ADAMTS2: variants seen among roughly 807,000 people sequenced by gnomAD.
ADAMTS2 encodes A disintegrin and metalloproteinase with thrombospondin motifs 2.
Under a neutral mutation model 123.0 loss-of-function variants are expected in ADAMTS2, and 50 were observed. That is an observed-to-expected ratio of 0.41 (90% confidence interval 0.32 to 0.51). The LOEUF (loss-of-function observed/expected upper bound fraction) is 0.51. ADAMTS2 is among the 20% of genes least tolerant of loss of function. The probability of loss-of-function intolerance (pLI) is 0.35; values close to 1 mark genes in which losing one functional copy is unlikely to be tolerated. For missense variants in ADAMTS2, 1,494 were observed against 1,705.2 expected (o/e 0.88, Z 2.18); for synonymous variants, 678 against 695.4 (o/e 0.98, Z 0.39).
intron 15 of ADAMTS2, among the ~76,000 whole-genome samples, chr5:179,131,421 G>T (rs148177084): frequency 6.6e-6 from 1 of 151,996 alleles, no homozygotes; most frequent in East Asian, 1.9e-4. Flanking sequence ...TAAAATAAAA[G>T]GGCATGGTAT....
rs1762638961 is a variant in ADAMTS2 at position 179,115,236 on chromosome 5, C to T, written c.3179-912G>A. ...CTCCCTGGCCCATCTCGACCTCTGT[C>T]TGCGGCTATGTTCATTCAACCCATC... is the stretch of plus-strand genomic sequence containing the variant. On this transcript the variant is annotated intron_variant, in intron 21 of 21. Coordinates refer to ENST00000251582, the MANE Select transcript of ADAMTS2 (RefSeq NM_014244.5). The surrounding 1 kb of genome is among the most constrained non-coding windows in gnomAD (Gnocchi z 4.4). 6.6e-6 allele frequency among the ~76,000 whole-genome samples: 1 copy of T among 152,174 alleles called. No homozygotes were observed. The highest frequency in any genetic ancestry group is 1.5e-5 in the Non-Finnish European group (1 of 68,036).
At chr5:179,177,490 T>C (rs1403428682) in intron 5 of ADAMTS2, among the ~76,000 whole-genome samples, 1 of 152,198 alleles carries the variant, frequency 6.6e-6, no homozygotes. Flanking sequence ...GCCTGATAAA[T>C]GCTTGCAAAT....
intron 2 of ADAMTS2, among the ~76,000 whole-genome samples, chr5:179,336,679 C>T (rs993650053): frequency 7.9e-5 from 12 of 152,194 alleles, no homozygotes; most frequent in African/African-American, 2.9e-4. Flanking sequence ...CTGGGGTAGG[C>T]GCTTGCTGCA....
rs763744293 is a variant in ADAMTS2 at position 179,132,929 on chromosome 5, G to A, written c.2086-29C>T. The A allele has an allele frequency of 3.1e-6, 5 of 1,610,668 alleles. No individual in the cohort carries two copies. Among genetic ancestry groups the A allele is most frequent in the Non-Finnish European group, 4.2e-6 (5 of 1,178,712 alleles). The stretch of plus-strand genomic sequence containing the variant: ...TTGGGGGAGGAGGCAGTGAGCACTT[G>A]AGACGTCCTGCTAGTAGAGTCAGGG... On this transcript the variant is annotated intron_variant, in intron 13 of 21. Transcript: ENST00000251582. The surrounding 1 kb of genome is among the most constrained non-coding windows in gnomAD (Gnocchi z 6.1).
intron 2 of ADAMTS2, among the ~76,000 whole-genome samples, chr5:179,286,216 C>CAAAA (rs33951526): frequency 4.5e-5 from 3 of 66,044 alleles, no homozygotes; most frequent in Non-Finnish European, 8.5e-5. Flanking sequence ...ACTCTTGTCT[C>CAAAA]AAAAAAAAAA....
chr5:179,157,975 T>A (rs894009984), intron 6 of ADAMTS2, among the ~76,000 whole-genome samples: 5 of 152,064 alleles, frequency 3.3e-5, no homozygotes, highest in Non-Finnish European at 5.9e-5. Flanking sequence ...TTTGTCTCTT[T>A]TTTTTTTGAG....
chr5:179,156,859 T>C (rs1276356065), intron 6 of ADAMTS2, among the ~76,000 whole-genome samples: 1 of 152,208 alleles, frequency 6.6e-6, no homozygotes, highest in Non-Finnish European at 1.5e-5. Flanking sequence ...AAACTTTTTG[T>C]TTTGTTTTAC....
intron 17 of ADAMTS2, 110 bp downstream of exon 17, chr5:179,127,849 T>A: frequency 7.9e-6 from 11 of 1,386,044 alleles, no homozygotes; most frequent in East Asian, 2.6e-5. Flanking sequence ...CAAAGGTCCC[T>A]GCTGTGGCTC....
At chr5:179,261,872 C>T (rs889851781) in intron 3 of ADAMTS2, among the ~76,000 whole-genome samples, 15 of 152,284 alleles carry the variant, frequency 9.9e-5, no homozygotes, top group African/African-American at 2.9e-4. Context: ...CAAGGATGCA[C>T]ACACGTCCAT....
At chr5:179,315,583 C>A (rs944917949) in intron 2 of ADAMTS2, among the ~76,000 whole-genome samples, 1 of 152,242 alleles carries the variant, frequency 6.6e-6, no homozygotes, top group South Asian at 2.1e-4. Flanking sequence ...TCCGGGGACA[C>A]GAGCTGGGAT....
intron 3 of ADAMTS2, among the ~76,000 whole-genome samples, chr5:179,271,687 A>G (rs1389677867): frequency 1.4e-4 from 21 of 152,230 alleles, no homozygotes; most frequent in Non-Finnish European, 1.5e-5. Context: ...GTCACCAAGG[A>G]ACAAGGGGCC....
chr5:179,221,710 C>G (rs1765130757), intron 3 of ADAMTS2, among the ~76,000 whole-genome samples: 1 of 152,150 alleles, frequency 6.6e-6, no homozygotes, highest in African/African-American at 2.4e-5. Flanking sequence ...TGGATCTGCC[C>G]AGAGAAGAGC....
intron 3 of ADAMTS2, among the ~76,000 whole-genome samples, chr5:179,239,024 G>A (rs1325972339): frequency 6.6e-6 from 1 of 152,134 alleles, no homozygotes; most frequent in Non-Finnish European, 1.5e-5. Context: ...CTTTGGGGAG[G>A]GAGAAGATGT....
At chr5:179,292,708 C>A (rs1433699037) in intron 2 of ADAMTS2, among the ~76,000 whole-genome samples, 1 of 152,090 alleles carries the variant, frequency 6.6e-6, no homozygotes, top group South Asian at 2.1e-4. Flanking sequence ...TCAGCTTGCC[C>A]AAGGTGACTC....
intron 2 of ADAMTS2, among the ~76,000 whole-genome samples, chr5:179,315,457 G>T (rs1756966037): frequency 6.6e-6 from 1 of 152,220 alleles, no homozygotes; most frequent in Admixed American, 6.5e-5. Context: ...AGCTTGGGTG[G>T]GAGGGAAGCC....
chr5:179,257,853 C>T (rs780538976), intron 3 of ADAMTS2, among the ~76,000 whole-genome samples: 7 of 152,288 alleles, frequency 4.6e-5, no homozygotes, highest in African/African-American at 9.6e-5. Flanking sequence ...AACCCTTACA[C>T]GGCTTTCACA....
rs1763447040 is a variant in ADAMTS2, at chr5:179,155,305, C to T, written c.1133-386G>A. 6.6e-6 allele frequency among the ~76,000 whole-genome samples: 1 copy of T among 152,224 alleles called. No individual in the cohort carries two copies. Among genetic ancestry groups the T allele is most frequent in the African/African-American group, 2.4e-5 (1 of 41,456 alleles). ...GCCTCACTGAGTGGCCCCTGAGCAGCACCTGCTTCCACACCTCTCTCTGCT... is the reference window on the plus strand; with the variant it reads ...GCCTCACTGAGTGGCCCCTGAGCAGTACCTGCTTCCACACCTCTCTCTGCT... On this transcript the variant is annotated intron_variant, in intron 6 of 21. Coordinates refer to ENST00000251582, the MANE Select transcript of ADAMTS2 (RefSeq NM_014244.5). This position sits in a 1 kb window ranked among gnomAD's most constrained non-coding sequence, Gnocchi z 5.1.
In ADAMTS2 at chr5:179,332,840, G is replaced by T. The variant is rs996009862; in HGVS notation, c.534+10927C>A. On this transcript the variant is annotated intron_variant, in intron 2 of 21. Transcript: ENST00000251582. This position sits in a 1 kb window ranked among gnomAD's most constrained non-coding sequence, Gnocchi z 4.2. ...TGGGAGGGCACTGAGGAGCACCAAG[G>T]AGGATGCCTACCACTGCCCCCACCT... Among the ~76,000 whole-genome samples, 1 of 152,172 alleles carries T rather than the reference G, an allele frequency of 6.6e-6. No homozygotes were observed. Among genetic ancestry groups the T allele is most frequent in the Admixed American group, 6.5e-5 (1 of 15,282 alleles).
chr5:179,322,915 C>T (rs1451815008), intron 2 of ADAMTS2, among the ~76,000 whole-genome samples: 1 of 152,210 alleles, frequency 6.6e-6, no homozygotes, highest in Non-Finnish European at 1.5e-5. Flanking sequence ...TGGGAGTGGA[C>T]GCTCTCCTCC....
Sources: gnomAD v4.1 joint callset for allele counts (sites outside exome capture counted in the v4.1 genomes callset) on GRCh38, gnomAD v4.1.1 for gene constraint, Gnocchi (gnomAD v3.1) non-coding constraint, MANE v1.5 for transcripts, NCBI Gene and HGNC (gene_info 2026-07-23, HGNC 2026-07-21) for gene names.